GRM3: variants seen among roughly 807,000 people sequenced by gnomAD.
GRM3 encodes metabotropic glutamate receptor 3.
A neutral mutation model predicts 70.5 loss-of-function variants in GRM3; 26 were observed. The ratio of observed to expected loss-of-function variants is 0.37; its 90% confidence interval spans 0.27 to 0.51. The LOEUF (loss-of-function observed/expected upper bound fraction) is 0.51. Ranked by LOEUF, GRM3 falls within the 20% of genes least tolerant of loss-of-function variation. The pLI, the probability that GRM3 is intolerant of heterozygous loss-of-function variation, is 0.93. For missense variants in GRM3, 859 were observed against 1,123.8 expected (o/e 0.76, Z 3.37); for synonymous variants, 443 against 434.9 (o/e 1.02, Z -0.23).
chr7:86,716,672 C>G (rs775748978), intron 1 of GRM3, among the ~76,000 whole-genome samples: 10 of 130,836 alleles, frequency 7.6e-5, no homozygotes, highest in Non-Finnish European at 1.5e-4. Context: ...GGCCACTATT[C>G]CAGTTATATG....
chr7:86,703,193 A>G (rs1055067029), intron 1 of GRM3, among the ~76,000 whole-genome samples: 2 of 151,942 alleles, frequency 1.3e-5, no homozygotes, highest in East Asian at 3.9e-4. Flanking sequence ...TTTAAATTTT[A>G]TAATCATCAT....
intron 1 of GRM3, among the ~76,000 whole-genome samples, chr7:86,653,141 C>T (rs1793648714): frequency 6.6e-6 from 1 of 152,290 alleles, no homozygotes; most frequent in East Asian, 1.9e-4. Flanking sequence ...CACTTTTTTA[C>T]TCTGTGCTCC....
intron 2 of GRM3, among the ~76,000 whole-genome samples, chr7:86,772,264 T>C (rs145532989): frequency 2.6e-4 from 39 of 152,214 alleles, no homozygotes; most frequent in Admixed American, 4.6e-4. Flanking sequence ...CCTGCTATAC[T>C]TCCAGAAGGC....
intron 5 of GRM3, among the ~76,000 whole-genome samples, chr7:86,859,316 A>C (rs1363334094): frequency 6.6e-6 from 1 of 152,046 alleles, no homozygotes; most frequent in Non-Finnish European, 1.5e-5. Context: ...AATCTCTGAC[A>C]TAGCAAGAAT....
At chr7:86,756,384 C>T (rs1442152629) in intron 1 of GRM3, among the ~76,000 whole-genome samples, 2 of 152,062 alleles carry the variant, frequency 1.3e-5, no homozygotes, top group African/African-American at 2.4e-5. Flanking sequence ...TGGCCCTCCT[C>T]TAGCATTTCT....
chr7:86,738,142 A>G (rs1406444776), intron 1 of GRM3, among the ~76,000 whole-genome samples: 1 of 152,132 alleles, frequency 6.6e-6, no homozygotes, highest in Non-Finnish European at 1.5e-5. Context: ...CCATGCCACC[A>G]TAGGGATGGA....
intron 1 of GRM3, among the ~76,000 whole-genome samples, chr7:86,719,349 T>G (rs569892755): frequency 1.3e-5 from 2 of 152,112 alleles, no homozygotes; most frequent in East Asian, 3.9e-4. Flanking sequence ...CATACATCTA[T>G]TTAGCAAAAT....
intron 1 of GRM3, among the ~76,000 whole-genome samples, chr7:86,720,519 A>G (rs1795432294): frequency 6.6e-6 from 1 of 152,096 alleles, no homozygotes; most frequent in Non-Finnish European, 1.5e-5. Context: ...ACTGATATAG[A>G]ATACCAGGAA....
chr7:86,719,478 T>C (rs1795402127), intron 1 of GRM3, among the ~76,000 whole-genome samples: 1 of 152,058 alleles, frequency 6.6e-6, no homozygotes, highest in African/African-American at 2.4e-5. Flanking sequence ...GAAATTATTG[T>C]GCAATGTAAT....
rs569239537 is a variant in GRM3, at chr7:86,719,793, G to T, written c.-140-45213G>T. Among the ~76,000 whole-genome samples the T allele has an allele frequency of 7.0e-4, 107 of 152,052 alleles. 1 individual carries two copies. The highest frequency in any genetic ancestry group is 2.1e-3 in the African/African-American group (88 of 41,516). The stretch of plus-strand genomic sequence containing the variant: ...CTAGTTAGACTGGGAAATCATAGAG[G>T]ACTATTCCATGAAACCTTACAAGCT... On this transcript the variant is annotated intron_variant, in intron 1 of 5. Coordinates refer to ENST00000361669, the MANE Select transcript of GRM3 (RefSeq NM_000840.3).
At chr7:86,744,333 T>C (rs893618974) in intron 1 of GRM3, among the ~76,000 whole-genome samples, 1 of 151,892 alleles carries the variant, frequency 6.6e-6, no homozygotes, top group African/African-American at 2.4e-5. Context: ...CGCAATTATC[T>C]TAAGGGGTCC....
chr7:86,682,072 G>A (rs866536988), intron 1 of GRM3, among the ~76,000 whole-genome samples: 4 of 152,282 alleles, frequency 2.6e-5, no homozygotes, highest in South Asian at 4.1e-4. Flanking sequence ...ACATGGAGAG[G>A]TTAAACAATT....
chr7:86,747,136 T>C (rs1168284115), intron 1 of GRM3, among the ~76,000 whole-genome samples: 1 of 152,100 alleles, frequency 6.6e-6, no homozygotes, highest in Non-Finnish European at 1.5e-5. Flanking sequence ...ATACATTTAA[T>C]TAGCCTGAGA....
chr7:86,854,608 T>C (rs1002605738), intron 5 of GRM3, among the ~76,000 whole-genome samples: 2 of 152,156 alleles, frequency 1.3e-5, no homozygotes, highest in Non-Finnish European at 2.9e-5. Context: ...ATATGAAAAA[T>C]AACTCCTTTG....
chr7:86,683,334 A>C lies in GRM3; in HGVS notation c.-141+38462A>C, dbSNP rs749652414. Among the ~76,000 whole-genome samples, 25 of 152,286 alleles carry C rather than the reference A, an allele frequency of 1.6e-4. 1 individual carries two copies. The Middle Eastern group carries it at 0.01, about 62-fold the overall frequency. On this transcript the variant is annotated intron_variant, in intron 1 of 5. Transcript: ENST00000361669. ...AAGAGCTGAGAGTCTGGAGCAGAGG[A>C]AATAACAAGTTCAGTTTGAGACATG...
chr7:86,677,123 C>T (rs550504168), intron 1 of GRM3, among the ~76,000 whole-genome samples: 2 of 152,054 alleles, frequency 1.3e-5, no homozygotes, highest in African/African-American at 4.8e-5. Context: ...TATCTACCTG[C>T]TTTATTATCC....
At chr7:86,849,352 T>A (rs1179135480) in intron 4 of GRM3, among the ~76,000 whole-genome samples, 1 of 152,122 alleles carries the variant, frequency 6.6e-6, no homozygotes, top group East Asian at 1.9e-4. Flanking sequence ...AACTTTAAAA[T>A]GACGAGGATG....
At chr7:86,837,962 G>C (rs1798489956) in intron 3 of GRM3, among the ~76,000 whole-genome samples, 1 of 152,202 alleles carries the variant, frequency 6.6e-6, no homozygotes, top group South Asian at 2.1e-4. Flanking sequence ...GATCAGAGGG[G>C]TGGTGTATGT....
At chr7:86,856,288 A>G (rs1255207042) in intron 5 of GRM3, among the ~76,000 whole-genome samples, 1 of 152,070 alleles carries the variant, frequency 6.6e-6, no homozygotes, top group East Asian at 1.9e-4. Flanking sequence ...TACTAAAAAA[A>G]TACAAAAATT....
Sources: allele counts gnomAD v4.1 joint callset (sites outside exome capture counted in the v4.1 genomes callset), GRCh38; gene constraint gnomAD v4.1.1; transcripts MANE v1.5; gene names NCBI Gene and HGNC (gene_info 2026-07-23, HGNC 2026-07-21).